The following DRC1 variants were observed in gnomAD, a reference collection of about 807,000 sequenced individuals.
DRC1 encodes dynein regulatory complex subunit 1, also known as dynein regulatory complex protein 1.
DRC1 carries 74 observed loss-of-function variants against 98.7 expected under a neutral mutation model. That is an observed-to-expected ratio of 0.75 (90% confidence interval 0.62 to 0.91). The LOEUF is 0.91. Ranked by LOEUF, DRC1 falls within the 40% of genes least tolerant of loss-of-function variation. The pLI, the probability that DRC1 is intolerant of heterozygous loss-of-function variation, is 0.00. For synonymous variants in DRC1, 336 were observed against 334.1 expected (o/e 1.01, Z -0.06); for missense variants, 875 against 886.0 (o/e 0.99, Z 0.16).
chr2:26,441,770 G>A (rs1020622591), intron 8 of DRC1, among the ~76,000 whole-genome samples: 6 of 152,294 alleles, frequency 3.9e-5, no homozygotes, highest in Middle Eastern at 6.8e-3. Context: ...TTTGATGCGT[G>A]TGGCTGAGAG....
intron 10 of DRC1, among the ~76,000 whole-genome samples, chr2:26,447,739 G>C (rs1470983364): frequency 1.3e-5 from 2 of 151,098 alleles, no homozygotes; most frequent in Non-Finnish European, 3.0e-5. Context: ...GCTAATTTTT[G>C]TATTTTTAGT....
chr2:26,452,642 T>C (rs1394627225), intron 13 of DRC1, among the ~76,000 whole-genome samples: 1 of 152,204 alleles, frequency 6.6e-6, no homozygotes, highest in Non-Finnish European at 1.5e-5. Context: ...AACCTATATG[T>C]CCATTGTTGA....
rs552099623 is a variant in DRC1 at position 26,454,134 on chromosome 2, G to A, written c.1920-513G>A. Among the ~76,000 whole-genome samples, 14 of 152,262 alleles carry A rather than the reference G, an allele frequency of 9.2e-5. No homozygotes were observed. The highest frequency in any genetic ancestry group is 3.9e-4 in the East Asian group (2 of 5,186). On this transcript the variant is annotated intron_variant, in intron 14 of 16. Coordinates refer to ENST00000288710, the MANE Select transcript of DRC1 (RefSeq NM_145038.5). The surrounding 1 kb of genome is among the most constrained non-coding windows in gnomAD (Gnocchi z 5.2). ...GTGCCCAAGATCTTTGTCTTTACCC[G>A]TTGGTGGGTGGGAGCCAGAAAAGGA...
rs750621156 is a variant in DRC1 at position 26,453,493 on chromosome 2, C to G, written c.1863C>G (p.His621Gln). The G allele has an allele frequency of 6.2e-7, 1 of 1,614,162 alleles. No homozygotes were observed. The highest frequency in any genetic ancestry group is 1.7e-5 in the Admixed American group (1 of 60,016). Residue 621 changes from histidine to glutamine, a missense_variant, in exon 14 of 17, where the codon CAC (histidine) becomes CAG (glutamine). Coordinates refer to ENST00000288710, the MANE Select transcript of DRC1 (RefSeq NM_145038.5). ...EETPPSPWVI[H>Q]PNDVLKILEA... ...CCCCACCCTCCCCCTGGGTCATCCA[C>G]CCCAATGATGTCCTCAAGATTCTGG...
Position 26,431,894 on chromosome 2 carries a change from T to G in DRC1, c.776T>G (p.Leu259Arg), listed in dbSNP as rs1663445476. ...TTCCTGTGCCTTTAGCTGGAGTATC[T>G]TAACAACCGCATGAAGAAAGTAGAG... Reference protein sequence around the residue: ...QAHNAKELEYLNNRMKKVEDY... With the variant: ...QAHNAKELEYRNNRMKKVEDY... The change falls in exon 7 of 17, where the codon CTT becomes CGT. Residue 259 changes from leucine to arginine, a missense_variant. Physicochemically the swap from Leu to Arg is moderately radical, Grantham distance 102. Coordinates refer to ENST00000288710, the MANE Select transcript of DRC1 (RefSeq NM_145038.5). 1 of 1,613,888 alleles carries G rather than the reference T, an allele frequency of 6.2e-7. No individual in the cohort carries two copies. Among genetic ancestry groups the G allele is most frequent in the Non-Finnish European group, 8.5e-7 (1 of 1,179,816 alleles).
In DRC1 at chr2:26,450,648, A is replaced by T; in HGVS notation, c.1656A>T (p.Lys552Asn). Residue 552 changes from lysine to asparagine, a missense_variant, in exon 13 of 17, where the codon AAA (lysine) becomes AAT (asparagine). By Grantham distance (94) the Lys-to-Asn change is moderately conservative. Transcript: ENST00000288710. The stretch of plus-strand genomic sequence containing the variant: ...ATAAACTGGTGAACTTCTTCCTTAA[A>T]TATCGAGCTCACCGTTTATCTTCCA... ...DLYKLVNFFL[K>N]YRAHRLSSSL... 6.2e-7 allele frequency: 1 copy of T among 1,609,544 alleles called. No individual in the cohort carries two copies. The highest frequency in any genetic ancestry group is 8.5e-7 in the Non-Finnish European group (1 of 1,178,034).
chr2:26,452,925 C>T (rs971773203), intron 13 of DRC1, among the ~76,000 whole-genome samples: 1 of 152,202 alleles, frequency 6.6e-6, no homozygotes, highest in Non-Finnish European at 1.5e-5. Flanking sequence ...AACTTGATAG[C>T]ATTCGTTTGC....
At chr2:26,412,529 C>T (rs1346283989) in intron 1 of DRC1, among the ~76,000 whole-genome samples, 1 of 152,114 alleles carries the variant, frequency 6.6e-6, no homozygotes, top group South Asian at 2.1e-4. Flanking sequence ...GAGGTCACTC[C>T]CCCATGCCTC....
chr2:26,429,909 A>G, intron 5 of DRC1, 144 bp downstream of exon 5: 1 of 908,754 alleles, frequency 1.1e-6, no homozygotes, highest in Non-Finnish European at 1.6e-6. Context: ...TTATTAATTT[A>G]TTTACTCATT....
intron 1 of DRC1, among the ~76,000 whole-genome samples, chr2:26,408,542 AG>A (rs1248877665): frequency 6.6e-6 from 1 of 152,100 alleles, no homozygotes; most frequent in Non-Finnish European, 1.5e-5. Context: ...GGAGGCCAAG[AG>A]GGGTGGATAA....
chr2:26,440,735 A>G (rs983151035), intron 8 of DRC1, among the ~76,000 whole-genome samples: 1 of 152,118 alleles, frequency 6.6e-6, no homozygotes, highest in African/African-American at 2.4e-5. Context: ...CCTCTTTCCT[A>G]CCTCTGTAAC....
chr2:26,453,550 G>A lies in DRC1; in HGVS notation c.1919+1G>A. ...TCGTCATGGGTCTGAAGAAGCCTAG[G>A]TGGGCTGCGGGGCTGGAAGGCTTGC... On this transcript the variant is annotated splice_donor_variant, in intron 14 of 16. Transcript: ENST00000288710. LOFTEE classifies it high-confidence loss of function. The A allele has an allele frequency of 6.2e-7, 1 of 1,612,662 alleles. No homozygotes were observed. The highest frequency in any genetic ancestry group is 1.3e-5 in the African/African-American group (1 of 74,958).
chr2:26,455,994 C>T (rs1664155470), intron 16 of DRC1, among the ~76,000 whole-genome samples: 1 of 152,232 alleles, frequency 6.6e-6, no homozygotes, highest in South Asian at 2.1e-4. Context: ...TGCGTGGCCC[C>T]AGCACAGTCC....
Position 26,449,974 on chromosome 2 carries a change from A to G in DRC1, c.1510-22A>G. The stretch of plus-strand genomic sequence containing the variant: ...TCCTGAAACCTGTCCCCGACAGGAG[A>G]TGCCTTCTTCCTTCTCCCCAGGGGT... On this transcript the variant is annotated intron_variant, in intron 11 of 16. Coordinates refer to ENST00000288710, the MANE Select transcript of DRC1 (RefSeq NM_145038.5). 3.1e-6 allele frequency: 5 copies of G among 1,611,692 alleles called. No homozygotes were observed. The East Asian group carries it at 8.9e-5, about 29-fold the overall frequency.
intron 10 of DRC1, among the ~76,000 whole-genome samples, chr2:26,446,597 C>G (rs1234918586): frequency 6.6e-6 from 1 of 152,104 alleles, no homozygotes; most frequent in African/African-American, 2.4e-5. Context: ...CCCCTTTCTT[C>G]CAACTTTAAA....
chr2:26,447,062 G>A (rs1426781067), intron 10 of DRC1, among the ~76,000 whole-genome samples: 1 of 149,128 alleles, frequency 6.7e-6, no homozygotes, highest in Non-Finnish European at 1.5e-5. Flanking sequence ...TGCACTCCAG[G>A]ATGAGCAACA....
In DRC1 at chr2:26,456,548, C is replaced by G; in HGVS notation, c.*31C>G. 1.9e-6 allele frequency: 3 copies of G among 1,613,536 alleles called. No homozygotes were observed. Among genetic ancestry groups the G allele is most frequent in the Non-Finnish European group, 2.5e-6 (3 of 1,179,518 alleles). On this transcript the variant is annotated 3_prime_UTR_variant, in exon 17 of 17. Transcript: ENST00000288710. Reference sequence around the variant, plus strand: ...ACCGCCAAAGGCTGATGTGTTAGGGCTGGCCTGATGCTGGTGTCTGTGCCG... The same window carrying G: ...ACCGCCAAAGGCTGATGTGTTAGGGGTGGCCTGATGCTGGTGTCTGTGCCG...
intron 8 of DRC1, among the ~76,000 whole-genome samples, chr2:26,441,767 C>T (rs553684119): frequency 7.9e-5 from 12 of 152,084 alleles, no homozygotes; most frequent in Non-Finnish European, 1.6e-4. Flanking sequence ...GGGTTTGATG[C>T]GTGTGGCTGA....
intron 1 of DRC1, among the ~76,000 whole-genome samples, chr2:26,411,675 T>C (rs897345143): frequency 4.6e-5 from 7 of 152,178 alleles, no homozygotes; most frequent in African/African-American, 1.7e-4. Context: ...TGCGTGTTTG[T>C]CGTCCCAGCT....
Sources: allele counts gnomAD v4.1 joint callset (sites outside exome capture counted in the v4.1 genomes callset), GRCh38; gene constraint gnomAD v4.1.1; non-coding constraint Gnocchi (gnomAD v3.1); transcripts MANE v1.5; gene names NCBI Gene and HGNC (gene_info 2026-07-23, HGNC 2026-07-21).